DPP10: variants seen among roughly 807,000 people sequenced by gnomAD.
DPP10 encodes inactive dipeptidyl peptidase 10.
A neutral mutation model predicts 120.9 loss-of-function variants in DPP10; 33 were observed. That is an observed-to-expected ratio of 0.27 (90% CI 0.21 to 0.37). The LOEUF is 0.37. Ranked by LOEUF, DPP10 falls within the 10% of genes least tolerant of loss-of-function variation. The pLI, the probability that DPP10 is intolerant of heterozygous loss-of-function variation, is 1.00. For missense variants in DPP10, 816 were observed against 942.8 expected, an observed-to-expected ratio of 0.87 and a Z score of 1.76; for synonymous variants, 337 against 326.1, an observed-to-expected ratio of 1.03 and a Z score of -0.36.
intron 1 of DPP10, among the ~76,000 whole-genome samples, chr2:114,731,736 C>T (rs1487026047): frequency 6.6e-6 from 1 of 152,118 alleles, no homozygotes; most frequent in South Asian, 2.1e-4. Flanking sequence ...GTATATTACT[C>T]ACAGGTCCCA....
At chr2:115,009,039 G>C (rs1371652890) in intron 1 of DPP10, among the ~76,000 whole-genome samples, 1 of 66,958 alleles carries the variant, frequency 1.5e-5, no homozygotes, top group African/African-American at 5.1e-5. Flanking sequence ...CAGGGATCTA[G>C]AACTAGAAAT....
chr2:114,722,264 A>C (rs1701744457), intron 1 of DPP10, among the ~76,000 whole-genome samples: 1 of 152,216 alleles, frequency 6.6e-6, no homozygotes, highest in African/African-American at 2.4e-5. Context: ...GCCCTAGACT[A>C]GCACTACACT....
chr2:114,833,487 AG>A (rs1687325165), intron 1 of DPP10: 1 of 152,240 alleles, frequency 6.6e-6, no homozygotes, highest in African/African-American at 2.4e-5. Flanking sequence ...ATAAATAAAT[AG>A]GGACAGCTCA....
At chr2:114,626,238 T>C (rs893280563) in intron 1 of DPP10, among the ~76,000 whole-genome samples, 1 of 151,874 alleles carries the variant, frequency 6.6e-6, no homozygotes, top group African/African-American at 2.4e-5. Context: ...CAGTTTATGG[T>C]TTATAGTTCC....
rs187882782 is a variant in DPP10, at chr2:114,751,464, C to T, written c.60+308626C>T. On this transcript the variant is annotated intron_variant, in intron 1 of 25. Coordinates refer to ENST00000410059, the MANE Select transcript of DPP10 (RefSeq NM_020868.6). ...GGGCTGAGAAATGACCTTCTGTGGA[C>T]ATCTAGGGAGTCTTGCCCTGCTGTG... Among the ~76,000 whole-genome samples the T allele has an allele frequency of 1.2e-4, 18 of 152,298 alleles. No homozygotes were observed. In the East Asian group the frequency reaches 3.3e-3, roughly 28 times the overall value.
intron 1 of DPP10, among the ~76,000 whole-genome samples, chr2:115,139,685 A>C (rs189000182): frequency 6.9e-6 from 1 of 145,016 alleles, no homozygotes; most frequent in African/African-American, 2.5e-5. Flanking sequence ...GCAGTTGAAT[A>C]GCCTGCAATT....
chr2:115,573,859 A>G (rs967370729), intron 5 of DPP10, among the ~76,000 whole-genome samples: 3 of 151,948 alleles, frequency 2.0e-5, no homozygotes, highest in Non-Finnish European at 4.4e-5. Flanking sequence ...CTGGCCAAGT[A>G]TTTTTAAACT....
chr2:115,804,367 C>T lies in DPP10; in HGVS notation c.1701-10426C>T, dbSNP rs1037325749. Among the ~76,000 whole-genome samples the T allele has an allele frequency of 3.9e-5, 6 of 152,114 alleles. No individual in the cohort carries two copies. In the East Asian group the frequency reaches 7.7e-4, roughly 20 times the overall value. On this transcript the variant is annotated intron_variant, in intron 19 of 25. Coordinates refer to ENST00000410059, the MANE Select transcript of DPP10 (RefSeq NM_020868.6). ...TTCAAAGTTTTTAACTTCTTTGCCA[C>T]GGGTTCGAACTTCCTCCTTTAGCTC...
chr2:114,633,547 C>T (rs751604726), intron 1 of DPP10, among the ~76,000 whole-genome samples: 67 of 151,580 alleles, frequency 4.4e-4, no homozygotes, highest in African/African-American at 3.9e-4. Context: ...AGCCACCGCA[C>T]CTGGCCAGCT....
At chr2:114,901,111 G>A (rs1007651381) in intron 1 of DPP10, among the ~76,000 whole-genome samples, 1 of 152,140 alleles carries the variant, frequency 6.6e-6, no homozygotes, top group African/African-American at 2.4e-5. Flanking sequence ...TGAAATCAGT[G>A]ATGGTTTACA....
intron 5 of DPP10, among the ~76,000 whole-genome samples, chr2:115,556,910 T>G (rs535544754): frequency 6.6e-6 from 1 of 152,250 alleles, no homozygotes; most frequent in East Asian, 1.9e-4. Context: ...AAGCATTTTA[T>G]GCCAAATTAG....
At chr2:114,619,379 A>ATGTGTGTG (rs1491151263) in intron 1 of DPP10, among the ~76,000 whole-genome samples, 4 of 140,656 alleles carry the variant, frequency 2.8e-5, no homozygotes, top group African/African-American at 1.2e-4. Context: ...ATATATATAC[A>ATGTGTGTG]TATGTGTGTG....
intron 3 of DPP10, among the ~76,000 whole-genome samples, chr2:115,451,886 G>A (rs1210562872): frequency 1.2e-4 from 5 of 41,628 alleles, no homozygotes; most frequent in African/African-American, 1.7e-4. Flanking sequence ...GTATGTGTTT[G>A]TGTGTGTGTG....
chr2:114,552,748 G>T (rs1267357965), intron 1 of DPP10, among the ~76,000 whole-genome samples: 1 of 152,194 alleles, frequency 6.6e-6, no homozygotes, highest in East Asian at 1.9e-4. Flanking sequence ...GTTTCACCAT[G>T]TTGGCCAGGA....
At chr2:114,786,364 A>G (rs1387646414) in intron 1 of DPP10, among the ~76,000 whole-genome samples, 1 of 152,220 alleles carries the variant, frequency 6.6e-6, no homozygotes, top group African/African-American at 2.4e-5. Flanking sequence ...TGCACCCTCC[A>G]GGGTAGGAGA....
chr2:115,720,805 C>G (rs917427144), intron 7 of DPP10, among the ~76,000 whole-genome samples: 3 of 151,996 alleles, frequency 2.0e-5, no homozygotes, highest in African/African-American at 7.3e-5. Flanking sequence ...ACTGGCATGA[C>G]TAAAAAATTA....
chr2:115,232,113 A>G (rs2057762902), intron 1 of DPP10, among the ~76,000 whole-genome samples: 1 of 152,142 alleles, frequency 6.6e-6, no homozygotes, highest in South Asian at 2.1e-4. Context: ...TGTTCCAAAC[A>G]AGTTAATGGC....
intron 11 of DPP10, among the ~76,000 whole-genome samples, chr2:115,754,220 CT>C (rs1436396092): frequency 6.6e-6 from 1 of 151,916 alleles, no homozygotes; most frequent in Non-Finnish European, 1.5e-5. Flanking sequence ...GCGTTTGAGG[CT>C]TTTTTTGGTG....
rs1685637992 is a variant in DPP10 at position 114,527,906 on chromosome 2, A to T, written c.60+85068A>T. 2.0e-5 allele frequency among the ~76,000 whole-genome samples: 3 copies of T among 152,204 alleles called. No individual in the cohort carries two copies. In the South Asian group the frequency reaches 6.2e-4, roughly 31 times the overall value. On this transcript the variant is annotated intron_variant, in intron 1 of 25. Coordinates refer to ENST00000410059, the MANE Select transcript of DPP10 (RefSeq NM_020868.6). ...TCTGAACATAGAAAAGAAATAGTCA[A>T]AACATTGTGTTATAATCTTATGGGA...
Sources: allele counts gnomAD v4.1 joint callset (sites outside exome capture counted in the v4.1 genomes callset), GRCh38; gene constraint gnomAD v4.1.1; transcripts MANE v1.5; gene names NCBI Gene and HGNC (gene_info 2026-07-23, HGNC 2026-07-21).